The following CTHRC1 variants were observed in gnomAD, a reference collection of about 807,000 sequenced individuals.
CTHRC1 encodes collagen triple helix repeat containing 1, also known as collagen triple helix repeat-containing protein 1.
A neutral mutation model predicts 25.9 loss-of-function variants in CTHRC1; 21 were observed. That is an observed-to-expected ratio of 0.81 (90% CI 0.57 to 1.17). The LOEUF (loss-of-function observed/expected upper bound fraction) is 1.17, where lower values mean the gene tolerates loss of function less well. Among genes scored for constraint, CTHRC1 ranks in the 50% most tolerant of loss-of-function variants. The probability of loss-of-function intolerance (pLI) is 0.00; values close to 1 mark genes in which losing one functional copy is unlikely to be tolerated. For synonymous variants in CTHRC1, 109 were observed against 113.1 expected (o/e 0.96, Z 0.23); for missense variants, 281 against 304.3 (o/e 0.92, Z 0.57).
chr8:103,372,491 T>C, intron 1 of CTHRC1: 2 of 1,596,342 alleles, frequency 1.3e-6, no homozygotes, highest in Non-Finnish European at 1.7e-6. Flanking sequence ...TCTAAGGACC[T>C]GTTTTGCTTC....
At chr8:103,372,698 A>C in intron 1 of CTHRC1, 10 of 1,548,576 alleles carry the variant, frequency 6.5e-6, no homozygotes, top group South Asian at 1.1e-5. Flanking sequence ...AAAATCAACA[A>C]ACCCAGTGGA....
rs753634439 is a variant in CTHRC1, at chr8:103,382,654, A to C, written c.*54A>C. ...TTTTTATTATGCCTTGGAATGGTTC[A>C]CTTAAATGACATTTTAAATAAGTTT... On this transcript the variant is annotated 3_prime_UTR_variant, in exon 4 of 4. Coordinates refer to ENST00000330295, the MANE Select transcript of CTHRC1 (RefSeq NM_138455.4). 6.3e-6 allele frequency: 9 copies of C among 1,437,314 alleles called. No homozygotes were observed. Among genetic ancestry groups the C allele is most frequent in the Non-Finnish European group, 8.8e-6 (9 of 1,019,634 alleles). The allele number at this position is 1,437,314 out of a possible 1,614,324, so 89.0% of individuals were successfully genotyped here. A position where few individuals can be genotyped will look rare whatever the true frequency, so the allele number is the denominator to read the frequency against.
At chr8:103,372,977 C>G (rs560096434) in intron 1 of CTHRC1, among the ~76,000 whole-genome samples, 2 of 152,326 alleles carry the variant, frequency 1.3e-5, no homozygotes, top group South Asian at 4.1e-4. Flanking sequence ...CCATTTCACA[C>G]AGCACTTTTT....
At chr8:103,373,233 T>G (rs1018802004) in intron 1 of CTHRC1, among the ~76,000 whole-genome samples, 2 of 152,208 alleles carry the variant, frequency 1.3e-5, no homozygotes, top group Admixed American at 6.5e-5. Context: ...TTGGAAAAGA[T>G]TTTGCAGTCA....
rs555036987 is a variant in CTHRC1, at chr8:103,382,797, T to G, written c.*197T>G. ...CTTCAATCAAAAGTGGTTTCAATAT[T>G]TTTTTTAGTTGGTTAGAATACTTTC... is the stretch of plus-strand genomic sequence containing the variant. On this transcript the variant is annotated 3_prime_UTR_variant, in exon 4 of 4. Coordinates refer to ENST00000330295, the MANE Select transcript of CTHRC1 (RefSeq NM_138455.4). 1.7e-6 allele frequency: 1 copy of G among 586,052 alleles called. No homozygotes were observed. Among genetic ancestry groups the G allele is most frequent in the African/African-American group, 1.9e-5 (1 of 53,834 alleles). The allele number at this position is 586,052 out of a possible 1,614,324, so 36.3% of individuals were successfully genotyped here. A position where few individuals can be genotyped will look rare whatever the true frequency, so the allele number is the denominator to read the frequency against.
At chr8:103,373,606 A>G (rs182119819) in intron 1 of CTHRC1, among the ~76,000 whole-genome samples, 64 of 150,900 alleles carry the variant, frequency 4.2e-4, no homozygotes, top group Admixed American at 4.2e-3. Flanking sequence ...AAAATTCCCA[A>G]TATGGCACAA....
intron 3 of CTHRC1, among the ~76,000 whole-genome samples, chr8:103,379,320 G>A (rs368204518): frequency 6.6e-6 from 1 of 152,082 alleles, no homozygotes; most frequent in South Asian, 2.1e-4. Context: ...CAGGATCACA[G>A]CTCACTGCAA....
At chr8:103,378,308 C>G (rs1281025581) in intron 3 of CTHRC1, 65 bp downstream of exon 3, 2 of 1,331,942 alleles carry the variant, frequency 1.5e-6, no homozygotes, top group Non-Finnish European at 2.1e-6. Context: ...TTGAGTCCCA[C>G]TATCATGTTG....
chr8:103,382,305 ACTT>A, intron 3 of CTHRC1, among the ~76,000 whole-genome samples, 150 bp from the exon 4 acceptor site: 1 of 152,328 alleles, frequency 6.6e-6, no homozygotes, highest in East Asian at 1.9e-4. Flanking sequence ...GAAAAAGAGG[ACTT>A]CATTATAAAA....
In CTHRC1 at chr8:103,382,583, G is replaced by A. The variant is rs1258482785; in HGVS notation, c.715G>A (p.Glu239Lys). Reference sequence around the variant, plus strand: ...GAATTCAGTTTCTCGCATCATTATTGAAGAACTACCAAAATAAATGCTTTA... The same window carrying A: ...GAATTCAGTTTCTCGCATCATTATTAAAGAACTACCAAAATAAATGCTTTA... The part of the protein sequence containing the change: ...GWNSVSRIII[E>K]ELPK The change falls in exon 4 of 4, where the codon GAA (glutamate) becomes AAA (lysine). Residue 239 changes from glutamate to lysine, a missense_variant. By Grantham distance (56) the Glu-to-Lys change is moderately conservative. Coordinates refer to ENST00000330295, the MANE Select transcript of CTHRC1 (RefSeq NM_138455.4). The A allele has an allele frequency of 6.2e-7, 1 of 1,613,080 alleles. No homozygotes were observed. Among genetic ancestry groups the A allele is most frequent in the African/African-American group, 1.3e-5 (1 of 74,890 alleles).
At chr8:103,374,652 C>T (rs1815772756) in intron 1 of CTHRC1, among the ~76,000 whole-genome samples, 1 of 152,208 alleles carries the variant, frequency 6.6e-6, no homozygotes, top group Non-Finnish European at 1.5e-5. Flanking sequence ...GCAGTGGACA[C>T]ACTTACCCAG....
chr8:103,382,743 T>TTTG lies in CTHRC1; in HGVS notation c.*143_*144insTTG. On this transcript the variant is annotated 3_prime_UTR_variant, in exon 4 of 4. Coordinates refer to ENST00000330295, the MANE Select transcript of CTHRC1 (RefSeq NM_138455.4). Reference sequence around the variant, plus strand: ...TACAGACCAAAGTGTGATTTCACACTGTTTTTAAATCTAGCATTATTCATT... The same window carrying TTTG: ...TACAGACCAAAGTGTGATTTCACACTTTGGTTTTTAAATCTAGCATTATTCATT... 1.2e-6 allele frequency: 1 copy of TTTG among 815,962 alleles called. No individual in the cohort carries two copies. The highest frequency in any genetic ancestry group is 2.1e-6 in the Non-Finnish European group (1 of 471,702). The allele number at this position is 815,962 out of a possible 1,614,324, so 50.5% of individuals were successfully genotyped here.
chr8:103,378,549 A>G (rs1294295580), intron 3 of CTHRC1, among the ~76,000 whole-genome samples: 1 of 152,220 alleles, frequency 6.6e-6, no homozygotes, highest in Non-Finnish European at 1.5e-5. Flanking sequence ...AGTGAGTTAA[A>G]TGACATGGCA....
intron 2 of CTHRC1, among the ~76,000 whole-genome samples, chr8:103,377,562 C>T (rs896693650): frequency 6.6e-6 from 1 of 152,134 alleles, no homozygotes; most frequent in Non-Finnish European, 1.5e-5. Context: ...ACCTAGCTTG[C>T]AGAAAATCTC....
chr8:103,372,759 C>A, intron 1 of CTHRC1: 1 of 893,452 alleles, frequency 1.1e-6, no homozygotes, highest in East Asian at 2.6e-5. Context: ...TCAGAGCTAC[C>A]GTAGTCCTTG....
At chr8:103,374,101 G>A (rs569863305) in intron 1 of CTHRC1, among the ~76,000 whole-genome samples, 3 of 151,956 alleles carry the variant, frequency 2.0e-5, no homozygotes, top group African/African-American at 7.2e-5. Context: ...TTCTCTGACA[G>A]TAAATAAGTA....
At position 103,382,744 on chromosome 8, in the gene CTHRC1, G is replaced by GT; in HGVS notation, c.*149dup. ...ACAGACCAAAGTGTGATTTCACACT[G>GT]TTTTTAAATCTAGCATTATTCATTT... On this transcript the variant is annotated 3_prime_UTR_variant, in exon 4 of 4. Transcript: ENST00000330295. 2.5e-6 allele frequency: 2 copies of GT among 811,752 alleles called. No individual in the cohort carries two copies. The highest frequency in any genetic ancestry group is 4.3e-6 in the Non-Finnish European group (2 of 468,536). The allele number at this position is 811,752 out of a possible 1,614,324, so 50.3% of individuals were successfully genotyped here.
chr8:103,371,677 C>G lies in CTHRC1; in HGVS notation c.21C>G (p.Ala7=), dbSNP rs890653870. The G allele has an allele frequency of 6.5e-7, 1 of 1,533,532 alleles. No homozygotes were observed. The highest frequency in any genetic ancestry group is 2.5e-5 in the East Asian group (1 of 39,226). The allele number at this position is 1,533,532 out of a possible 1,614,324, so 95.0% of individuals were successfully genotyped here. ...GAGCCATGCGACCCCAGGGCCCCGC[C>G]GCCTCCCCGCAGCGGCTCCGCGGCC... is the stretch of plus-strand genomic sequence containing the variant. The part of the protein sequence containing the change: MRPQGP[A]ASPQRLRGLL... Residue 7 remains alanine (A), a synonymous_variant, in exon 1 of 4, where the codon GCC becomes GCG. Transcript: ENST00000330295.
intron 3 of CTHRC1, 83 bp from the exon 4 acceptor site, chr8:103,382,375 A>G: frequency 1.4e-6 from 2 of 1,403,946 alleles, no homozygotes; most frequent in Non-Finnish European, 2.0e-6. Context: ...ATTACAAACT[A>G]GCTTTCTGAA....
Sources: gnomAD v4.1 joint callset for allele counts (sites outside exome capture counted in the v4.1 genomes callset) on GRCh38, gnomAD v4.1.1 for gene constraint, MANE v1.5 for transcripts, NCBI Gene and HGNC (gene_info 2026-07-23, HGNC 2026-07-21) for gene names.